The following SLC22A25 variants were observed in gnomAD, a reference collection of about 807,000 sequenced individuals.
SLC22A25 encodes solute carrier family 22 member 25, also known as MGI:2442751, MGI:2385316, MGI:3042283, MGI:3645714, MGI:3605624, MGI:2442750.
In SLC22A25, 44 loss-of-function variants were observed where a neutral mutation model predicts 45.9. The observed-to-expected ratio is 0.96, with a 90% CI of 0.75 to 1.23. The LOEUF (loss-of-function observed/expected upper bound fraction) is 1.23, where lower values mean the gene tolerates loss of function less well. Among genes scored for constraint, SLC22A25 ranks in the 50% most tolerant of loss-of-function variants. The pLI, the probability that SLC22A25 is intolerant of heterozygous loss-of-function variation, is 0.00. For synonymous variants in SLC22A25, 283 were observed against 238.6 expected (o/e 1.19, Z -1.72); for missense variants, 800 against 666.4 (o/e 1.20, Z -2.21).
rs1199690420 is a variant in SLC22A25 at position 63,226,713 on chromosome 11, G to T, written c.506+1748C>A. ...GGAGGTGGTGAAACCAGCCAACCTT[G>T]TGTCCTTCCTTTCAGGGTGGCAAGT... On this transcript the variant is annotated intron_variant, in intron 5 of 11. Coordinates refer to ENST00000306494, the MANE Select transcript of SLC22A25 (RefSeq NM_199352.6). 5.3e-5 allele frequency among the ~76,000 whole-genome samples: 8 copies of T among 152,306 alleles called. No homozygotes were observed. In the East Asian group the frequency reaches 1.2e-3, roughly 22 times the overall value.
intron 5 of SLC22A25, among the ~76,000 whole-genome samples, chr11:63,227,335 G>T (rs533855899): frequency 3.3e-5 from 5 of 152,102 alleles, no homozygotes; most frequent in Non-Finnish European, 7.4e-5. Flanking sequence ...TTATTTAGGA[G>T]CCAAGGGATA....
intron 9 of SLC22A25, 200 bp from the exon 10 acceptor site, chr11:63,166,458 T>C (rs1010595246): frequency 7.1e-7 from 1 of 1,405,162 alleles, no homozygotes; most frequent in Non-Finnish European, 9.2e-7. Context: ...AATTGTATCT[T>C]GAGGGACAAC....
chr11:63,234,655 T>A (rs1051087367), intron 3 of SLC22A25, among the ~76,000 whole-genome samples: 23 of 152,220 alleles, frequency 1.5e-4, no homozygotes, highest in African/African-American at 4.6e-4. Flanking sequence ...TTAGTATTGT[T>A]ATGTGTGAAT....
At chr11:63,214,320 G>A (rs143496673) in intron 7 of SLC22A25, among the ~76,000 whole-genome samples, 145 of 152,286 alleles carry the variant, frequency 9.5e-4, no homozygotes, top group African/African-American at 3.2e-3. Flanking sequence ...TAGAAGAAGC[G>A]CAGCTCCGTG....
intron 7 of SLC22A25, among the ~76,000 whole-genome samples, chr11:63,198,917 G>A (rs2089148411): frequency 6.6e-6 from 1 of 151,960 alleles, no homozygotes; most frequent in Non-Finnish European, 1.5e-5. Flanking sequence ...GTGTTAAGGT[G>A]GAAATTTATA....
chr11:63,218,114 G>T (rs1309688771), intron 5 of SLC22A25: 2 of 465,964 alleles, frequency 4.3e-6, no homozygotes, highest in African/African-American at 2.0e-5. Flanking sequence ...AGTAGCAAAG[G>T]CATGGAATAA....
chr11:63,195,706 A>G (rs563755103), intron 7 of SLC22A25, among the ~76,000 whole-genome samples: 2 of 152,294 alleles, frequency 1.3e-5, no homozygotes, highest in Admixed American at 1.3e-4. Flanking sequence ...TAGAGAAACA[A>G]GAGCAAACAC....
rs1381248397 is a variant in SLC22A25, at chr11:63,166,122, T to C, written c.1207A>G (p.Met403Val). The C allele has an allele frequency of 2.5e-6, 4 of 1,614,024 alleles. No individual in the cohort carries two copies. The highest frequency in any genetic ancestry group is 2.5e-6 in the Non-Finnish European group (3 of 1,179,962). Residue 403 changes from methionine (M) to valine (V), a missense_variant, in exon 10 of 12, where the codon ATG becomes GTG. Physicochemically the swap from Met to Val is conservative, Grantham distance 21. Transcript: ENST00000306494. ...NCVAPWALNH[M>V]SRRLSQMLLM... is the part of the protein sequence containing the mutation. ...AGCATCTGGCTTAGTCGACGGCTCATGTGATTCAGTGCCCAAGGTGCAACA... is the reference window on the plus strand; with the variant it reads ...AGCATCTGGCTTAGTCGACGGCTCACGTGATTCAGTGCCCAAGGTGCAACA...
Position 63,163,758 on chromosome 11 carries a change from G to C in SLC22A25, c.*66C>G. ...CAAAGGCACTGACTACATGGGAATA[G>C]CCCAGATCTAAGCCTTTTTGGGGGA... is the stretch of plus-strand genomic sequence containing the variant. On this transcript the variant is annotated 3_prime_UTR_variant, in exon 12 of 12. Coordinates refer to ENST00000306494, the MANE Select transcript of SLC22A25 (RefSeq NM_199352.6). 6.5e-7 allele frequency: 1 copy of C among 1,546,682 alleles called. No individual in the cohort carries two copies.
At chr11:63,207,947 A>C (rs1455114390) in intron 7 of SLC22A25, among the ~76,000 whole-genome samples, 1 of 152,156 alleles carries the variant, frequency 6.6e-6, no homozygotes, top group Non-Finnish European at 1.5e-5. Flanking sequence ...AAGGTAACTT[A>C]AGTCTTTGTT....
At chr11:63,183,594 A>G (rs966147263) in intron 8 of SLC22A25, 100 bp downstream of exon 8, 1 of 1,490,538 alleles carries the variant, frequency 6.7e-7, no homozygotes, top group African/African-American at 1.4e-5. Context: ...CCATAACTCT[A>G]CCTGTGTTTC....
chr11:63,219,532 C>T (rs977157943), intron 5 of SLC22A25, among the ~76,000 whole-genome samples: 1 of 152,128 alleles, frequency 6.6e-6, no homozygotes, highest in Non-Finnish European at 1.5e-5. Context: ...GAATATCCTG[C>T]ATCTTATTTA....
At chr11:63,177,252 T>C (rs116809971) in intron 9 of SLC22A25, among the ~76,000 whole-genome samples, 2,682 of 152,162 alleles carry the variant, frequency 0.018, 68 homozygotes, top group African/African-American at 0.049. Flanking sequence ...TAATTATACA[T>C]ATTTATGAGG....
intron 9 of SLC22A25, among the ~76,000 whole-genome samples, chr11:63,178,186 C>T (rs189503090): frequency 6.6e-6 from 1 of 151,904 alleles, no homozygotes; most frequent in East Asian, 1.9e-4. Flanking sequence ...CCACCACGCC[C>T]TGCCAATATA....
At chr11:63,228,690 T>C (rs7126435) in intron 4 of SLC22A25, 126 bp from the exon 5 acceptor site, 256,790 of 658,034 alleles carry the variant, frequency 0.39, 52,441 homozygotes, top group East Asian at 0.59. Flanking sequence ...CTGCATTACC[T>C]GATATTCACT....
chr11:63,169,681 C>A (rs1430001310), intron 9 of SLC22A25, among the ~76,000 whole-genome samples: 1 of 152,094 alleles, frequency 6.6e-6, no homozygotes, highest in African/African-American at 2.4e-5. Context: ...TATTAGAGAC[C>A]TACAAAGAGG....
At chr11:63,223,937 G>A (rs1417763631) in intron 5 of SLC22A25, among the ~76,000 whole-genome samples, 1 of 151,830 alleles carries the variant, frequency 6.6e-6, no homozygotes, top group Non-Finnish European at 1.5e-5. Flanking sequence ...AATCTGTCTT[G>A]TTGATTTCTG....
At chr11:63,231,874 A>G (rs867138335) in intron 3 of SLC22A25, among the ~76,000 whole-genome samples, 4 of 152,170 alleles carry the variant, frequency 2.6e-5, no homozygotes, top group Non-Finnish European at 5.9e-5. Flanking sequence ...TCCCAGCACC[A>G]TTTATTAAAT....
chr11:63,224,671 G>A (rs1007996922), intron 5 of SLC22A25, among the ~76,000 whole-genome samples: 2 of 152,124 alleles, frequency 1.3e-5, no homozygotes, highest in African/African-American at 4.8e-5. Context: ...TAAACTGATA[G>A]TTAATAGAGA....
Sources: allele counts gnomAD v4.1 joint callset (sites outside exome capture counted in the v4.1 genomes callset), GRCh38; gene constraint gnomAD v4.1.1; transcripts MANE v1.5; gene names NCBI Gene and HGNC (gene_info 2026-07-23, HGNC 2026-07-21).